The following ST7 variants were observed in gnomAD, a reference collection of about 807,000 sequenced individuals.
The protein encoded by ST7 is suppression of tumorigenicity 7.
A neutral mutation model predicts 78.7 loss-of-function variants in ST7; 28 were observed. That is an observed-to-expected ratio of 0.36 (90% confidence interval 0.26 to 0.49). The LOEUF (loss-of-function observed/expected upper bound fraction) is 0.49, where lower values mean the gene tolerates loss of function less well. Among genes scored for constraint, ST7 ranks in the 20% least tolerant of loss-of-function variants. The probability of loss-of-function intolerance (pLI) is 0.99; values close to 1 mark genes in which losing one functional copy is unlikely to be tolerated. For synonymous variants in ST7, 247 were observed against 249.6 expected, an observed-to-expected ratio of 0.99 and a Z score of 0.10; for missense variants, 418 against 696.0, an observed-to-expected ratio of 0.60 and a Z score of 4.49.
chr7:117,227,623 A>G (rs1412295004), intron 15 of ST7, among the ~76,000 whole-genome samples: 1 of 152,182 alleles, frequency 6.6e-6, no homozygotes, highest in Non-Finnish European at 1.5e-5. Context: ...TGTTGGGTGA[A>G]TGCAATCAGT....
At chr7:117,081,850 C>A (rs1799801706) in intron 1 of ST7, among the ~76,000 whole-genome samples, 1 of 151,820 alleles carries the variant, frequency 6.6e-6, no homozygotes, top group Non-Finnish European at 1.5e-5. Context: ...AATCAGTAGG[C>A]TACACACACA....
intron 1 of ST7, among the ~76,000 whole-genome samples, chr7:117,036,387 G>A (rs1796898282): frequency 6.6e-6 from 1 of 152,302 alleles, no homozygotes; most frequent in African/African-American, 2.4e-5. Flanking sequence ...TCTGGAATAA[G>A]GGATAACATG....
intron 3 of ST7, among the ~76,000 whole-genome samples, chr7:117,124,405 C>T (rs759398360): frequency 2.1e-4 from 32 of 152,026 alleles, no homozygotes; most frequent in Non-Finnish European, 3.4e-4. Flanking sequence ...GGTCACATGG[C>T]GGATAACCTG....
chr7:116,968,428 G>A (rs1793252645), intron 1 of ST7: 1 of 449,860 alleles, frequency 2.2e-6, no homozygotes. Flanking sequence ...TGCTGGACTC[G>A]AATTCCTGGG....
In ST7 at chr7:117,138,543, G is replaced by A. The variant is rs200834937; in HGVS notation, c.963+11G>A. The A allele has an allele frequency of 1.9e-6, 3 of 1,581,688 alleles. No homozygotes were observed. The South Asian group carries it at 3.4e-5, about 18-fold the overall frequency. On this transcript the variant is annotated intron_variant, in intron 9 of 15. Transcript: ENST00000323984. The stretch of plus-strand genomic sequence containing the variant: ...AAAATGATGAGAGATGTGAGTTTGA[G>A]TTTGTGTTTGGGATCAGTGGCTTAC...
intron 1 of ST7, among the ~76,000 whole-genome samples, chr7:117,049,052 G>A (rs951365047): frequency 5.9e-5 from 9 of 152,332 alleles, no homozygotes; most frequent in Admixed American, 2.6e-4. Flanking sequence ...AAAAAGGGTT[G>A]TCATTGTCCA....
At chr7:117,212,613 G>A (rs556130556) in intron 13 of ST7, among the ~76,000 whole-genome samples, 129 of 152,064 alleles carry the variant, frequency 8.5e-4, no homozygotes, top group Middle Eastern at 3.4e-3. Flanking sequence ...ATAAATAACA[G>A]GTATGTATAA....
At chr7:117,177,675 G>A (rs910608707) in intron 10 of ST7, among the ~76,000 whole-genome samples, 24 of 152,150 alleles carry the variant, frequency 1.6e-4, no homozygotes, top group Non-Finnish European at 1.5e-5. Flanking sequence ...CTTCCCAGTT[G>A]AATCATTGAA....
chr7:117,027,960 T>C (rs1364001428), intron 1 of ST7, among the ~76,000 whole-genome samples: 1 of 152,152 alleles, frequency 6.6e-6, no homozygotes, highest in African/African-American at 2.4e-5. Context: ...TGTGGGCTTG[T>C]AGGGTGTTAA....
At chr7:117,145,802 A>G (rs1805736867) in intron 9 of ST7, among the ~76,000 whole-genome samples, 1 of 152,168 alleles carries the variant, frequency 6.6e-6, no homozygotes, top group Admixed American at 6.5e-5. Context: ...CCCTGTATAA[A>G]TTTACATTCT....
chr7:117,113,487 T>C (rs1250286026), intron 2 of ST7, among the ~76,000 whole-genome samples: 1 of 152,140 alleles, frequency 6.6e-6, no homozygotes, highest in African/African-American at 2.4e-5. Context: ...GGAGGAAACA[T>C]TTTTTCTTTT....
At chr7:117,093,626 G>A (rs764801889) in intron 1 of ST7, among the ~76,000 whole-genome samples, 5 of 152,200 alleles carry the variant, frequency 3.3e-5, no homozygotes, top group South Asian at 4.2e-4. Flanking sequence ...ACTTGAACCC[G>A]GGAGGCGGAG....
intron 5 of ST7, among the ~76,000 whole-genome samples, chr7:117,131,622 A>G (rs2117024386): frequency 6.6e-6 from 1 of 152,038 alleles, no homozygotes; most frequent in Non-Finnish European, 1.5e-5. Flanking sequence ...AAGACACGCA[A>G]AATCTCTGTT....
At chr7:116,954,188 G>A (rs972534239) in intron 1 of ST7, 2 of 151,960 alleles carry the variant, frequency 1.3e-5, no homozygotes, top group African/African-American at 4.8e-5. Flanking sequence ...GGCTGCCGGA[G>A]GGTGCTCGGC....
chr7:117,050,140 G>A (rs113646516), intron 1 of ST7, among the ~76,000 whole-genome samples: 111 of 151,798 alleles, frequency 7.3e-4, no homozygotes, highest in African/African-American at 2.6e-3. Context: ...ACTTGAACCC[G>A]GGACGTGGAG....
chr7:117,075,290 ATT>A (rs1799261680), intron 1 of ST7, among the ~76,000 whole-genome samples: 1 of 152,202 alleles, frequency 6.6e-6, no homozygotes, highest in South Asian at 2.1e-4. Context: ...TTGAATATAT[ATT>A]ATATGCCATT....
chr7:117,189,778 G>A (rs950213488), intron 11 of ST7, among the ~76,000 whole-genome samples: 2 of 152,128 alleles, frequency 1.3e-5, no homozygotes, highest in Non-Finnish European at 2.9e-5. Context: ...GTGGAATGTG[G>A]CAGACAGGAT....
intron 1 of ST7, among the ~76,000 whole-genome samples, chr7:116,973,814 T>C (rs1793560832): frequency 6.6e-6 from 1 of 152,256 alleles, no homozygotes. Flanking sequence ...TAGATATACT[T>C]AATTTAATTG....
At chr7:117,172,000 G>C (rs528483979) in intron 10 of ST7, among the ~76,000 whole-genome samples, 12 of 150,700 alleles carry the variant, frequency 8.0e-5, no homozygotes, top group African/African-American at 2.9e-4. Flanking sequence ...ACCCCAGATG[G>C]AGTATAGTGG....
Sources: allele counts gnomAD v4.1 joint callset (sites outside exome capture counted in the v4.1 genomes callset), GRCh38; gene constraint gnomAD v4.1.1; transcripts MANE v1.5; gene names NCBI Gene and HGNC (gene_info 2026-07-23, HGNC 2026-07-21).